CLSTN2: variants seen among roughly 807,000 people sequenced by gnomAD.
The protein encoded by CLSTN2 is calsyntenin 2.
A neutral mutation model predicts 101.2 loss-of-function variants in CLSTN2; 48 were observed. That is an observed-to-expected ratio of 0.47 (90% CI 0.38 to 0.60). The LOEUF (loss-of-function observed/expected upper bound fraction) is 0.60. Ranked by LOEUF, CLSTN2 falls within the 20% of genes least tolerant of loss-of-function variation. CLSTN2 has a pLI of 0.00. For synonymous variants in CLSTN2, 481 were observed against 463.6 expected, an observed-to-expected ratio of 1.04 and a Z score of -0.48; for missense variants, 1,160 against 1,238.2, an observed-to-expected ratio of 0.94 and a Z score of 0.95.
At chr3:140,396,719 T>A (rs1226212313) in intron 2 of CLSTN2, among the ~76,000 whole-genome samples, 1 of 152,184 alleles carries the variant, frequency 6.6e-6, no homozygotes, top group Non-Finnish European at 1.5e-5. Context: ...CAACAATTTA[T>A]TATGTGGACA....
Position 140,080,310 on chromosome 3 carries a change from G to A in CLSTN2, c.110-95641G>A, listed in dbSNP as rs563678439. Among the ~76,000 whole-genome samples, 3 of 152,252 alleles carry A rather than the reference G, an allele frequency of 2.0e-5. No homozygotes were observed. In the East Asian group the frequency reaches 5.8e-4, roughly 29 times the overall value. On this transcript the variant is annotated intron_variant, in intron 1 of 16. Coordinates refer to ENST00000458420, the MANE Select transcript of CLSTN2 (RefSeq NM_022131.3). Reference sequence around the variant, plus strand: ...TGTTCACTACTCTTTGTCTTCAAAGGAAACTCCAGAATTGTAATAGCTGTA... The same window carrying A: ...TGTTCACTACTCTTTGTCTTCAAAGAAAACTCCAGAATTGTAATAGCTGTA...
intron 1 of CLSTN2, among the ~76,000 whole-genome samples, chr3:140,072,541 C>A (rs960537683): frequency 6.6e-6 from 1 of 152,134 alleles, no homozygotes; most frequent in Non-Finnish European, 1.5e-5. Flanking sequence ...TGTGTAGACA[C>A]AGATTCAATT....
chr3:140,027,980 T>C (rs981417624), intron 1 of CLSTN2, among the ~76,000 whole-genome samples: 2 of 152,160 alleles, frequency 1.3e-5, no homozygotes, highest in African/African-American at 4.8e-5. Flanking sequence ...ATGTGTAAAG[T>C]GAAGCAATCC....
rs1237028998 is a variant in CLSTN2 at position 139,935,379 on chromosome 3, T to A, written c.5T>A (p.Leu2Gln). 8.1e-7 allele frequency: 1 copy of A among 1,227,300 alleles called. No homozygotes were observed. Among genetic ancestry groups the A allele is most frequent in the African/African-American group, 1.6e-5 (1 of 64,220 alleles). 76.0% of individuals were successfully genotyped at this position (1,227,300 alleles called of 1,614,324 possible). The change falls in exon 1 of 17, where the codon CTG (leucine) becomes CAG (glutamine). Residue 2 changes from leucine (L) to glutamine (Q), a missense_variant. Leu to Gln is a moderately radical substitution (Grantham distance 113, BLOSUM62 -2). Transcript: ENST00000458420. The surrounding 1 kb of genome is among the most constrained non-coding windows in gnomAD (Gnocchi z 5.5). Reference protein sequence around the residue: MLPGRLCWVPLL... With the variant: MQPGRLCWVPLL... Reference sequence around the variant, plus strand: ...TCGTTGGCGGCTGCTGCGAGGATGCTGCCTGGGCGGCTGTGCTGGGTGCCG... The same window carrying A: ...TCGTTGGCGGCTGCTGCGAGGATGCAGCCTGGGCGGCTGTGCTGGGTGCCG...
chr3:140,378,209 A>T (rs3943278), intron 2 of CLSTN2, among the ~76,000 whole-genome samples: 2 of 152,148 alleles, frequency 1.3e-5, no homozygotes, highest in Non-Finnish European at 2.9e-5. Flanking sequence ...AATTTTCTTC[A>T]AATGTATCCC....
chr3:140,203,211 T>C (rs992888668), intron 2 of CLSTN2, among the ~76,000 whole-genome samples: 1 of 152,120 alleles, frequency 6.6e-6, no homozygotes, highest in African/African-American at 2.4e-5. Flanking sequence ...TGCTGCTAAG[T>C]CAAGTAAGAT....
At chr3:140,198,705 A>G (rs1164071244) in intron 2 of CLSTN2, among the ~76,000 whole-genome samples, 3 of 152,222 alleles carry the variant, frequency 2.0e-5, no homozygotes, top group Non-Finnish European at 2.9e-5. Flanking sequence ...TTTGCAGGTC[A>G]ACAGGTGACG....
At chr3:140,553,153 G>A (rs773126006) in intron 10 of CLSTN2, among the ~76,000 whole-genome samples, 10 of 152,168 alleles carry the variant, frequency 6.6e-5, no homozygotes, top group Non-Finnish European at 1.3e-4. Flanking sequence ...CTGATGTCAC[G>A]GCTCAGTGAG....
chr3:140,471,072 G>A (rs148222801), intron 8 of CLSTN2, among the ~76,000 whole-genome samples: 2 of 152,280 alleles, frequency 1.3e-5, no homozygotes, highest in Non-Finnish European at 2.9e-5. Context: ...ACAATCCAGG[G>A]CATCTCACTA....
chr3:140,134,428 C>T (rs184725873), intron 1 of CLSTN2, among the ~76,000 whole-genome samples: 1 of 152,222 alleles, frequency 6.6e-6, no homozygotes, highest in East Asian at 1.9e-4. Context: ...TAATCTCCAA[C>T]CCCCACCCCA....
At chr3:140,500,890 T>G (rs1046991376) in intron 8 of CLSTN2, among the ~76,000 whole-genome samples, 5 of 152,212 alleles carry the variant, frequency 3.3e-5, no homozygotes, top group African/African-American at 1.2e-4. Context: ...AATCTATTAA[T>G]ACAAATTAAC....
At chr3:140,064,396 T>C (rs2008262940) in intron 1 of CLSTN2, among the ~76,000 whole-genome samples, 2 of 152,150 alleles carry the variant, frequency 1.3e-5, no homozygotes, top group Admixed American at 1.3e-4. Context: ...AAAAGTGGAG[T>C]AGAATGTCTT....
At chr3:140,530,177 T>G (rs1367422073) in intron 8 of CLSTN2, among the ~76,000 whole-genome samples, 2 of 152,190 alleles carry the variant, frequency 1.3e-5, no homozygotes, top group African/African-American at 4.8e-5. Flanking sequence ...AATTAATATC[T>G]GGAAATAAGT....
chr3:140,543,555 G>T (rs1347687537), intron 9 of CLSTN2, among the ~76,000 whole-genome samples: 2 of 152,204 alleles, frequency 1.3e-5, no homozygotes, highest in African/African-American at 2.4e-5. Flanking sequence ...TGGCACCCCA[G>T]GCTGAGAACG....
intron 2 of CLSTN2, among the ~76,000 whole-genome samples, chr3:140,188,792 A>G (rs1216122038): frequency 6.6e-6 from 1 of 152,196 alleles, no homozygotes; most frequent in Non-Finnish European, 1.5e-5. Context: ...TACCTTACTC[A>G]GTTTCCCCCA....
At chr3:139,962,084 A>C (rs1935520896) in intron 1 of CLSTN2, among the ~76,000 whole-genome samples, 1 of 152,144 alleles carries the variant, frequency 6.6e-6, no homozygotes. Context: ...TTTTCATTAT[A>C]AATAATTCTG....
At chr3:140,424,709 C>A (rs779776242) in intron 5 of CLSTN2, among the ~76,000 whole-genome samples, 1 of 152,188 alleles carries the variant, frequency 6.6e-6, no homozygotes, top group Non-Finnish European at 1.5e-5. Context: ...AAAGGTTTGG[C>A]TTTTCATGGA....
chr3:140,141,735 G>C (rs1449802057), intron 1 of CLSTN2, among the ~76,000 whole-genome samples: 2 of 152,152 alleles, frequency 1.3e-5, no homozygotes, highest in Non-Finnish European at 2.9e-5. Context: ...GCACATGCAC[G>C]CCACATAGCA....
chr3:140,100,905 GAGA>G (rs1310637387), intron 1 of CLSTN2, among the ~76,000 whole-genome samples: 1 of 152,142 alleles, frequency 6.6e-6, no homozygotes, highest in South Asian at 2.1e-4. Context: ...CATGCTCCTG[GAGA>G]AGAAGTCAAG....
Sources: gnomAD v4.1 joint callset for allele counts (sites outside exome capture counted in the v4.1 genomes callset) on GRCh38, gnomAD v4.1.1 for gene constraint, Gnocchi (gnomAD v3.1) non-coding constraint, MANE v1.5 for transcripts, NCBI Gene and HGNC (gene_info 2026-07-23, HGNC 2026-07-21) for gene names.